ORC2: variants seen among roughly 807,000 people sequenced by gnomAD.
ORC2 encodes origin recognition complex protein 2 homolog.
In ORC2, 37 loss-of-function variants were observed where a neutral mutation model predicts 77.7. That is an observed-to-expected ratio of 0.48 (90% CI 0.37 to 0.63). The LOEUF (loss-of-function observed/expected upper bound fraction) is 0.63, where lower values mean the gene tolerates loss of function less well. Among genes scored for constraint, ORC2 ranks in the 20% least tolerant of loss-of-function variants. The probability of loss-of-function intolerance (pLI) is 0.00; values close to 1 mark genes in which losing one functional copy is unlikely to be tolerated. For synonymous variants in ORC2, 201 were observed against 229.5 expected (o/e 0.88, Z 1.12); for missense variants, 557 against 661.9 (o/e 0.84, Z 1.74).
chr2:200,937,866 GCTA>G, intron 8 of ORC2, 37 bp downstream of exon 8: 1 of 1,297,028 alleles, frequency 7.7e-7, no homozygotes, highest in Non-Finnish European at 1.1e-6. Flanking sequence ...TTGTTTAGAT[GCTA>G]CTTTTTATAA....
intron 10 of ORC2, among the ~76,000 whole-genome samples, chr2:200,931,700 C>T (rs2040944603): frequency 6.6e-6 from 1 of 152,140 alleles, no homozygotes; most frequent in South Asian, 2.1e-4. Flanking sequence ...TCCAGAACCA[C>T]TTAAATGATT....
At position 200,909,071 on chromosome 2, in the gene ORC2, AAAT is replaced by A. The variant is rs1182213754; in HGVS notation, c.*2227_*2229del. 3 of 152,316 alleles carry A rather than the reference AAAT, an allele frequency of 2.0e-5. No homozygotes were observed. Among genetic ancestry groups the A allele is most frequent in the African/African-American group, 7.2e-5 (3 of 41,572 alleles). 9.4% of individuals were successfully genotyped at this position (152,316 alleles called of 1,614,324 possible). A position where few individuals can be genotyped will look rare whatever the true frequency, so the allele number is the denominator to read the frequency against. ...AATAGTATAGACACAAAAATTATAA[AAAT>A]AAACCAGTAGATATTTAGGGCAGAT... On this transcript the variant is annotated 3_prime_UTR_variant, in exon 18 of 18. Transcript: ENST00000234296.
chr2:200,924,383 G>A (rs928325391), intron 13 of ORC2, among the ~76,000 whole-genome samples: 1 of 152,040 alleles, frequency 6.6e-6, no homozygotes, highest in East Asian at 1.9e-4. Flanking sequence ...ATAAAGAACT[G>A]TGGATAAAAT....
intron 10 of ORC2, 87 bp from the exon 11 acceptor site, chr2:200,931,535 T>C (rs921220174): frequency 1.2e-5 from 8 of 654,136 alleles, no homozygotes; most frequent in African/African-American, 3.8e-5. Context: ...AAGTAGAGCT[T>C]AGAAGAAGCC....
chr2:200,960,320 A>G (rs929580466), intron 1 of ORC2, among the ~76,000 whole-genome samples: 1 of 152,112 alleles, frequency 6.6e-6, no homozygotes, highest in African/African-American at 2.4e-5. Flanking sequence ...AAAATTGTGG[A>G]CTTGGCTGTG....
chr2:200,922,352 G>C (rs2040775012), intron 13 of ORC2, among the ~76,000 whole-genome samples: 1 of 141,204 alleles, frequency 7.1e-6, no homozygotes, highest in Non-Finnish European at 1.5e-5. Context: ...TAGCACAGAG[G>C]AAAGACATTA....
chr2:200,961,922 G>A (rs2041581925), intron 1 of ORC2, among the ~76,000 whole-genome samples: 1 of 152,152 alleles, frequency 6.6e-6, no homozygotes, highest in Admixed American at 6.5e-5. Flanking sequence ...GTGGGGACAA[G>A]ATTTTCTAGG....
intron 15 of ORC2, 61 bp from the exon 16 acceptor site, chr2:200,914,053 T>TA (rs2040597366): frequency 9.7e-7 from 1 of 1,033,868 alleles, no homozygotes; most frequent in Admixed American, 2.3e-5. Flanking sequence ...AGGTAACAAC[T>TA]AATAGTAAAA....
intron 5 of ORC2, 130 bp downstream of exon 5, chr2:200,949,424 T>A: frequency 1.6e-6 from 1 of 610,592 alleles, no homozygotes; most frequent in Non-Finnish European, 3.0e-6. Flanking sequence ...CGTCTCATTA[T>A]TCCCTAAACC....
intron 9 of ORC2, 50 bp downstream of exon 9, chr2:200,935,649 G>T: frequency 7.6e-7 from 1 of 1,320,824 alleles, no homozygotes; most frequent in Non-Finnish European, 1.0e-6. Context: ...GCCTATCTTT[G>T]AAATATTACA....
At chr2:200,931,127 A>C in intron 11 of ORC2, among the ~76,000 whole-genome samples, 1 of 152,166 alleles carries the variant, frequency 6.6e-6, no homozygotes, top group East Asian at 1.9e-4. Flanking sequence ...ATAAACACAA[A>C]TTTCTTAAAA....
intron 10 of ORC2, among the ~76,000 whole-genome samples, chr2:200,932,333 ACTT>A (rs1271569708): frequency 1.4e-5 from 2 of 145,096 alleles, no homozygotes; most frequent in African/African-American, 2.5e-5. Flanking sequence ...TTCATTTCAA[ACTT>A]TTTTTTTTTT....
intron 10 of ORC2, among the ~76,000 whole-genome samples, chr2:200,931,865 T>A (rs2040947478): frequency 6.6e-6 from 1 of 152,190 alleles, no homozygotes; most frequent in Non-Finnish European, 1.5e-5. Flanking sequence ...TATTGCAAAT[T>A]TTTAAAAACA....
rs1462499463 is a variant in ORC2 at position 200,921,393 on chromosome 2, T to C, written c.1148-254A>G. On this transcript the variant is annotated intron_variant, in intron 13 of 17. Transcript: ENST00000234296. Reference sequence around the variant, plus strand: ...TGGTCTTGAACTCCTGGACTCAACTTGGCCTCCCAAAGTGCTAGGATCACA... The same window carrying C: ...TGGTCTTGAACTCCTGGACTCAACTCGGCCTCCCAAAGTGCTAGGATCACA... 3.0e-5 allele frequency: 7 copies of C among 237,120 alleles called. No individual in the cohort carries two copies. The South Asian group carries it at 1.0e-3, about 35-fold the overall frequency. 14.7% of individuals were successfully genotyped at this position (237,120 alleles called of 1,614,324 possible).
intron 6 of ORC2, among the ~76,000 whole-genome samples, chr2:200,941,962 T>C (rs2041160282): frequency 1.3e-5 from 2 of 148,820 alleles, no homozygotes; most frequent in African/African-American, 5.0e-5. Context: ...ACTCCAGCAC[T>C]CCAGCACTCC....
chr2:200,928,552 G>A (rs1185346258), intron 11 of ORC2, among the ~76,000 whole-genome samples: 1 of 152,062 alleles, frequency 6.6e-6, no homozygotes, highest in African/African-American at 2.4e-5. Context: ...AGTGGCTCAC[G>A]CCTGTAATCC....
chr2:200,953,327 G>A (rs1057436398), intron 4 of ORC2, among the ~76,000 whole-genome samples: 21 of 149,528 alleles, frequency 1.4e-4, no homozygotes, highest in African/African-American at 2.9e-4. Context: ...CTTTTTGTCC[G>A]AAGACTGACC....
intron 5 of ORC2, among the ~76,000 whole-genome samples, chr2:200,945,463 A>AGGAAGCTGAGAAGCTTCCTG (rs148994006): frequency 0.28 from 43,207 of 151,930 alleles, 8,829 homozygotes; most frequent in African/African-American, 0.58. Flanking sequence ...CACTGAGGAA[A>AGGAAGCTGAGAAGCTTCCTG]GGAAGCTGAG....
intron 13 of ORC2, among the ~76,000 whole-genome samples, chr2:200,925,065 A>T (rs1442480883): frequency 6.6e-6 from 1 of 152,202 alleles, no homozygotes; most frequent in Admixed American, 6.5e-5. Flanking sequence ...CAGCCAAGAA[A>T]TAATGTTTTA....
Sources: allele counts gnomAD v4.1 joint callset (sites outside exome capture counted in the v4.1 genomes callset), GRCh38; gene constraint gnomAD v4.1.1; transcripts MANE v1.5; gene names NCBI Gene and HGNC (gene_info 2026-07-23, HGNC 2026-07-21).